The following DEPTOR variants were observed in gnomAD, a reference collection of about 807,000 sequenced individuals.
DEPTOR encodes the protein DEP domain containing MTOR interacting protein.
DEPTOR carries 41 observed loss-of-function variants against 41.6 expected under a neutral mutation model. The observed-to-expected ratio is 0.98, with a 90% CI of 0.77 to 1.28. The LOEUF is 1.28. DEPTOR is among the 50% of genes most tolerant of loss of function. The probability of loss-of-function intolerance (pLI) is 0.00; values close to 1 mark genes in which losing one functional copy is unlikely to be tolerated. For synonymous variants in DEPTOR, 195 were observed against 192.3 expected (o/e 1.01, Z -0.12); for missense variants, 514 against 527.9 (o/e 0.97, Z 0.26).
chr8:119,895,283 G>A (rs1365626811), intron 1 of DEPTOR, among the ~76,000 whole-genome samples: 2 of 152,202 alleles, frequency 1.3e-5, no homozygotes, highest in Non-Finnish European at 2.9e-5. Flanking sequence ...ACTTCCATCA[G>A]AGGGTCTACA....
chr8:120,049,850 T>A lies in DEPTOR; in HGVS notation c.*146T>A. On this transcript the variant is annotated 3_prime_UTR_variant, in exon 9 of 9. Transcript: ENST00000286234. ...CACATACATGTCTAAAGTTGAGTTT[T>A]ATACACTGAATGTGGAAGAACCGGG... is the stretch of plus-strand genomic sequence containing the variant. 1.1e-6 allele frequency: 1 copy of A among 945,000 alleles called. No homozygotes were observed. Among genetic ancestry groups the A allele is most frequent in the Non-Finnish European group, 1.5e-6 (1 of 681,686 alleles). The allele number at this position is 945,000 out of a possible 1,614,324, so 58.5% of individuals were successfully genotyped here. A position where few individuals can be genotyped will look rare whatever the true frequency, so the allele number is the denominator to read the frequency against.
At chr8:119,967,771 AG>A (rs964513115) in intron 4 of DEPTOR, among the ~76,000 whole-genome samples, 3 of 151,642 alleles carry the variant, frequency 2.0e-5, no homozygotes, top group African/African-American at 7.3e-5. Flanking sequence ...AAAAAAAAAA[AG>A]AGTAAGTATT....
chr8:119,987,210 G>A (rs1440469388), intron 4 of DEPTOR, among the ~76,000 whole-genome samples: 4 of 152,258 alleles, frequency 2.6e-5, no homozygotes, highest in African/African-American at 9.6e-5. Context: ...TTCGGATAGA[G>A]TTTTGTGTGG....
intron 7 of DEPTOR, among the ~76,000 whole-genome samples, chr8:120,007,752 C>T (rs772414438): frequency 3.9e-5 from 6 of 152,292 alleles, no homozygotes; most frequent in Non-Finnish European, 5.9e-5. Context: ...AGGAGAAAGG[C>T]GCTGACAACA....
At chr8:120,011,078 T>C (rs1442842299) in intron 8 of DEPTOR, among the ~76,000 whole-genome samples, 2 of 152,184 alleles carry the variant, frequency 1.3e-5, no homozygotes, top group Non-Finnish European at 1.5e-5. Flanking sequence ...AGAGTAGCAA[T>C]AAGCATGATT....
chr8:120,021,253 A>G (rs1812709239), intron 8 of DEPTOR, among the ~76,000 whole-genome samples: 1 of 151,740 alleles, frequency 6.6e-6, no homozygotes, highest in Non-Finnish European at 1.5e-5. Context: ...AAATACAAAA[A>G]ATTAGCCGGG....
intron 4 of DEPTOR, among the ~76,000 whole-genome samples, chr8:119,992,225 C>G (rs1392707791): frequency 6.6e-6 from 1 of 152,192 alleles, no homozygotes; most frequent in Non-Finnish European, 1.5e-5. Flanking sequence ...TGATCCTTCA[C>G]AGAAGCCCCA....
At chr8:119,924,990 G>T (rs1336358136) in intron 1 of DEPTOR, among the ~76,000 whole-genome samples, 1 of 152,138 alleles carries the variant, frequency 6.6e-6, no homozygotes, top group African/African-American at 2.4e-5. Context: ...GAGGTTTAAT[G>T]GACTGTCAGT....
rs202082331 is a variant in DEPTOR, at chr8:119,990,167, G to GT, written c.605-11349dup. ...GCTATTATTTTTATTTGTTTATTTA[G>GT]TTTTTTTTTGAGACGGAGTCTCACT... On this transcript the variant is annotated intron_variant, in intron 4 of 8. Coordinates refer to ENST00000286234, the MANE Select transcript of DEPTOR (RefSeq NM_022783.4). Among the ~76,000 whole-genome samples the GT allele has an allele frequency of 6.2e-3, 931 of 151,374 alleles. 27 individuals carry two copies. The highest frequency in any genetic ancestry group is 0.045 in the Admixed American group (686 of 15,170).
chr8:119,991,098 TTC>T lies in DEPTOR; in HGVS notation c.605-10425_605-10424del, dbSNP rs1382734267. 2.1e-4 allele frequency among the ~76,000 whole-genome samples: 23 copies of T among 107,946 alleles called. 1 individual carries two copies. Among genetic ancestry groups the T allele is most frequent in the African/African-American group, 6.9e-4 (20 of 28,982 alleles). The allele number at this position is 107,946 out of a possible 152,430, so 70.8% of individuals were successfully genotyped here. A position where few individuals can be genotyped will look rare whatever the true frequency, so the allele number is the denominator to read the frequency against. Reference sequence around the variant, plus strand: ...TCTTTCTTTCTTTCTTTTTCTTTCTTTCTTTCTTTCTTTCTTTCTTTTTTTTT... The same window carrying T: ...TCTTTCTTTCTTTCTTTTTCTTTCTTTTTCTTTCTTTCTTTCTTTTTTTTT... On this transcript the variant is annotated intron_variant, in intron 4 of 8. Transcript: ENST00000286234.
rs189105168 is a variant in DEPTOR, at chr8:120,034,927, G to A, written c.1102-14649G>A. Among the ~76,000 whole-genome samples the A allele has an allele frequency of 1.7e-4, 26 of 152,168 alleles. 1 individual carries two copies. In the East Asian group the frequency reaches 2.5e-3, roughly 15 times the overall value. The stretch of plus-strand genomic sequence containing the variant: ...AGATAATTGGGCAAAAGATTCTTAC[G>A]GAGGAAAAAATTTGAGATCAGGGAG... On this transcript the variant is annotated intron_variant, in intron 8 of 8. Coordinates refer to ENST00000286234, the MANE Select transcript of DEPTOR (RefSeq NM_022783.4).
intron 2 of DEPTOR, among the ~76,000 whole-genome samples, 165 bp downstream of exon 2, chr8:119,928,743 CTTTT>C (rs376801517): frequency 2.9e-3 from 374 of 127,894 alleles, no homozygotes; most frequent in African/African-American, 0.01. Context: ...TGGGTTCTTT[CTTTT>C]TTTTTTTTTT....
At chr8:119,982,654 T>G (rs1464884599) in intron 4 of DEPTOR, among the ~76,000 whole-genome samples, 1 of 152,162 alleles carries the variant, frequency 6.6e-6, no homozygotes, top group Non-Finnish European at 1.5e-5. Flanking sequence ...AGGCTGACAC[T>G]GAGACTCCCC....
At chr8:120,003,232 T>C in intron 6 of DEPTOR, 121 bp downstream of exon 6, 1 of 1,494,460 alleles carries the variant, frequency 6.7e-7, no homozygotes, top group East Asian at 2.3e-5. Context: ...GAGCATGCTC[T>C]TGGGGTCCAC....
At chr8:120,002,791 A>AATATATATATATATATATATAT (rs1177103228) in intron 5 of DEPTOR, among the ~76,000 whole-genome samples, 186 bp from the exon 6 acceptor site, 17 of 60,650 alleles carry the variant, frequency 2.8e-4, no homozygotes, top group Non-Finnish European at 4.6e-4. Context: ...AAAAAAAAAA[A>AATATATATATATATATATATAT]ATATATATAT....
At chr8:120,044,702 C>T (rs1813129768) in intron 8 of DEPTOR, among the ~76,000 whole-genome samples, 1 of 152,122 alleles carries the variant, frequency 6.6e-6, no homozygotes, top group Non-Finnish European at 1.5e-5. Context: ...AACCAAAAAC[C>T]AACAGATGTG....
chr8:120,005,428 G>T (rs907186433), intron 6 of DEPTOR, among the ~76,000 whole-genome samples: 1 of 152,198 alleles, frequency 6.6e-6, no homozygotes, highest in African/African-American at 2.4e-5. Flanking sequence ...TGCTTCTCAG[G>T]CCAGAAGGCC....
intron 1 of DEPTOR, among the ~76,000 whole-genome samples, chr8:119,910,944 T>G (rs1715678174): frequency 6.6e-6 from 1 of 151,674 alleles, no homozygotes; most frequent in South Asian, 2.1e-4. Context: ...CCTAGAGGGG[T>G]GTGTGTGTGT....
In DEPTOR at chr8:120,009,639, C is replaced by G. The variant is rs909782721; in HGVS notation, c.1101+506C>G. On this transcript the variant is annotated intron_variant, in intron 8 of 8. Coordinates refer to ENST00000286234, the MANE Select transcript of DEPTOR (RefSeq NM_022783.4). ...AAAACAAAACAAAACAAAACAACAACAACAACAACAAAACAACATTTAGCA... is the reference window on the plus strand; with the variant it reads ...AAAACAAAACAAAACAAAACAACAAGAACAACAACAAAACAACATTTAGCA... 2.6e-5 allele frequency among the ~76,000 whole-genome samples: 4 copies of G among 152,070 alleles called. No individual in the cohort carries two copies. The East Asian group carries it at 7.7e-4, about 29-fold the overall frequency.
Sources: gnomAD v4.1 joint callset for allele counts (sites outside exome capture counted in the v4.1 genomes callset) on GRCh38, gnomAD v4.1.1 for gene constraint, MANE v1.5 for transcripts, NCBI Gene and HGNC (gene_info 2026-07-23, HGNC 2026-07-21) for gene names.